The following DENND5B variants were observed in gnomAD, a reference collection of about 807,000 sequenced individuals.
DENND5B encodes DENN domain containing 5B.
DENND5B carries 34 observed loss-of-function variants against 140.6 expected under a neutral mutation model. That is an observed-to-expected ratio of 0.24 (90% CI 0.18 to 0.32). The LOEUF (loss-of-function observed/expected upper bound fraction) is 0.32. DENND5B is among the 10% of genes least tolerant of loss of function. DENND5B has a pLI of 1.00. For synonymous variants in DENND5B, 551 were observed against 562.1 expected (o/e 0.98, Z 0.28); for missense variants, 1,142 against 1,560.2 (o/e 0.73, Z 4.52).
intron 1 of DENND5B, among the ~76,000 whole-genome samples, chr12:31,589,063 A>G (rs1950504842): frequency 6.6e-6 from 1 of 152,230 alleles, no homozygotes; most frequent in South Asian, 2.1e-4. Context: ...GTCACACCTA[A>G]AAGGTACAGT....
At chr12:31,439,798 G>A (rs529690037) in intron 7 of DENND5B, among the ~76,000 whole-genome samples, 7 of 151,630 alleles carry the variant, frequency 4.6e-5, no homozygotes, top group African/African-American at 7.3e-5. Flanking sequence ...GCGTAGTGGC[G>A]CATGCCTGTA....
chr12:31,523,332 G>A (rs1196688487), intron 1 of DENND5B, among the ~76,000 whole-genome samples: 1 of 151,984 alleles, frequency 6.6e-6, no homozygotes, highest in Non-Finnish European at 1.5e-5. Context: ...CAAAGTGTTG[G>A]GATTACAGGT....
chr12:31,550,134 T>A (rs936988324), intron 1 of DENND5B, among the ~76,000 whole-genome samples: 1 of 151,788 alleles, frequency 6.6e-6, no homozygotes, highest in African/African-American at 2.4e-5. Context: ...TACATATGTA[T>A]ACATGTGCCA....
At chr12:31,439,852 C>A (rs1943947997) in intron 7 of DENND5B, among the ~76,000 whole-genome samples, 1 of 138,230 alleles carries the variant, frequency 7.2e-6, no homozygotes, top group African/African-American at 2.7e-5. Context: ...ATCGCTTGAA[C>A]CTGGGAGGTG....
At chr12:31,524,757 A>G (rs1948027274) in intron 1 of DENND5B, among the ~76,000 whole-genome samples, 1 of 152,214 alleles carries the variant, frequency 6.6e-6, no homozygotes, top group Non-Finnish European at 1.5e-5. Context: ...GCTTAGGATA[A>G]GCAGAGGACA....
intron 1 of DENND5B, among the ~76,000 whole-genome samples, chr12:31,531,569 C>T (rs1489193386): frequency 3.3e-5 from 5 of 152,118 alleles, no homozygotes; most frequent in Non-Finnish European, 5.9e-5. Context: ...AGATGAACTC[C>T]TTGGACTGAC....
At chr12:31,435,223 C>A (rs1482935155) in intron 7 of DENND5B, among the ~76,000 whole-genome samples, 2 of 152,146 alleles carry the variant, frequency 1.3e-5, no homozygotes, top group Non-Finnish European at 2.9e-5. Context: ...AACTCTTCCC[C>A]ATTCTCCTCA....
At chr12:31,503,509 G>A (rs1331804142) in intron 1 of DENND5B, among the ~76,000 whole-genome samples, 2 of 152,182 alleles carry the variant, frequency 1.3e-5, no homozygotes, top group African/African-American at 4.8e-5. Context: ...GCAACGAGCT[G>A]TGATCCATTC....
chr12:31,388,226 CTTTT>C (rs35891849), intron 20 of DENND5B, among the ~76,000 whole-genome samples: 6 of 91,452 alleles, frequency 6.6e-5, no homozygotes, highest in Non-Finnish European at 1.2e-4. Context: ...TAGGGACTTG[CTTTT>C]TTTTTTTTTT....
chr12:31,471,886 G>T (rs1945578515), intron 3 of DENND5B, among the ~76,000 whole-genome samples: 1 of 152,106 alleles, frequency 6.6e-6, no homozygotes, highest in Non-Finnish European at 1.5e-5. Flanking sequence ...TCAAGGACTG[G>T]ATAAAAGCTA....
In DENND5B at chr12:31,383,534, C is replaced by T. The variant is rs1940722862; in HGVS notation, c.*4069G>A. 6.6e-6 allele frequency: 1 copy of T among 152,090 alleles called. No homozygotes were observed. The highest frequency in any genetic ancestry group is 1.5e-5 in the Non-Finnish European group (1 of 68,014). 9.4% of individuals were successfully genotyped at this position (152,090 alleles called of 1,614,324 possible). ...AAATACCACAAGGTTACAAAAGGTA[C>T]AAAAATGTGTGAAACATTTAAATTT... On this transcript the variant is annotated 3_prime_UTR_variant, in exon 21 of 21. Coordinates refer to ENST00000389082, the MANE Select transcript of DENND5B (RefSeq NM_144973.4).
Position 31,442,769 on chromosome 12 carries a change from GCTTA to G in DENND5B, c.2012+2_2012+5del. 6.2e-7 allele frequency: 1 copy of G among 1,612,272 alleles called. No homozygotes were observed. The highest frequency in any genetic ancestry group is 8.5e-7 in the Non-Finnish European group (1 of 1,179,158). ...AACCAACTACTCAAGTGAAGAACATGCTTACTTGTTACTGGTTGGTCCTGTTGCC... is the reference window on the plus strand; with the variant it reads ...AACCAACTACTCAAGTGAAGAACATGCTTGTTACTGGTTGGTCCTGTTGCC... On this transcript the variant is annotated splice_donor_variant and splice_donor_5th_base_variant and intron_variant, in intron 7 of 20. Transcript: ENST00000389082. LOFTEE classifies it high-confidence loss of function.
At chr12:31,523,059 CCTT>C (rs1463347547) in intron 1 of DENND5B, among the ~76,000 whole-genome samples, 4 of 143,746 alleles carry the variant, frequency 2.8e-5, no homozygotes, top group African/African-American at 1.1e-4. Context: ...CTTTTTTTTT[CCTT>C]TTTTTTTTTT....
chr12:31,538,971 T>G (rs4931517), intron 1 of DENND5B, among the ~76,000 whole-genome samples: 21,361 of 145,558 alleles, frequency 0.15, 1,742 homozygotes, highest in Non-Finnish European at 0.19. Context: ...TTTTTTTTTT[T>G]GAAAAAAAAA....
At chr12:31,537,960 C>T (rs2139140791) in intron 1 of DENND5B, among the ~76,000 whole-genome samples, 1 of 152,180 alleles carries the variant, frequency 6.6e-6, no homozygotes, top group Admixed American at 6.5e-5. Flanking sequence ...TATATGGACC[C>T]AACACTGGAT....
At chr12:31,397,600 T>C (rs1941552115) in intron 17 of DENND5B, among the ~76,000 whole-genome samples, 1 of 138,916 alleles carries the variant, frequency 7.2e-6, no homozygotes. Flanking sequence ...CTGGGAGTAC[T>C]GTAATATATA....
intron 1 of DENND5B, among the ~76,000 whole-genome samples, chr12:31,539,530 T>C (rs991861374): frequency 1.5e-4 from 23 of 152,294 alleles, no homozygotes; most frequent in Middle Eastern, 3.4e-3. Context: ...TCATTCATCA[T>C]GACTAAATAG....
At chr12:31,456,535 G>A (rs1040493851) in intron 4 of DENND5B, among the ~76,000 whole-genome samples, 7 of 152,122 alleles carry the variant, frequency 4.6e-5, no homozygotes, top group African/African-American at 1.7e-4. Flanking sequence ...TTGAAAAGCA[G>A]AAATCACCTC....
chr12:31,501,912 T>G (rs1591937116), intron 1 of DENND5B, among the ~76,000 whole-genome samples: 4 of 152,268 alleles, frequency 2.6e-5, no homozygotes, highest in Middle Eastern at 3.4e-3. Flanking sequence ...ATTGTGTGTG[T>G]GGGGTGAGGC....
Sources: allele counts gnomAD v4.1 joint callset (sites outside exome capture counted in the v4.1 genomes callset), GRCh38; gene constraint gnomAD v4.1.1; transcripts MANE v1.5; gene names NCBI Gene and HGNC (gene_info 2026-07-23, HGNC 2026-07-21).